Variants in NEGR1 observed in about 807,000 individuals in gnomAD.
NEGR1 encodes the protein neuronal growth regulator 1.
NEGR1 carries 10 observed loss-of-function variants against 40.9 expected under a neutral mutation model. The ratio of observed to expected loss-of-function variants is 0.24; its 90% CI spans 0.15 to 0.42. The LOEUF (loss-of-function observed/expected upper bound fraction) is 0.42. NEGR1 is among the 10% of genes least tolerant of loss of function. The probability of loss-of-function intolerance (pLI) is 1.00; values close to 1 mark genes in which losing one functional copy is unlikely to be tolerated. For missense variants in NEGR1, 352 were observed against 438.9 expected, an observed-to-expected ratio of 0.80 and a Z score of 1.77; for synonymous variants, 185 against 166.8, an observed-to-expected ratio of 1.11 and a Z score of -0.84.
intron 6 of NEGR1, among the ~76,000 whole-genome samples, chr1:71,552,053 T>C (rs924770832): frequency 4.0e-5 from 6 of 151,496 alleles, no homozygotes; most frequent in African/African-American, 1.5e-4. Flanking sequence ...ACTTTGACAT[T>C]TGTCCTTTTT....
chr1:71,761,443 T>C (rs1402114112), intron 3 of NEGR1, among the ~76,000 whole-genome samples: 1 of 152,222 alleles, frequency 6.6e-6, no homozygotes, highest in African/African-American at 2.4e-5. Flanking sequence ...GTAAATCTCA[T>C]GGAACAGTTT....
At chr1:71,942,532 C>A (rs1187587480) in intron 1 of NEGR1, among the ~76,000 whole-genome samples, 1 of 73,936 alleles carries the variant, frequency 1.4e-5, no homozygotes, top group Non-Finnish European at 2.4e-5. Flanking sequence ...GACGGAGTCT[C>A]GCTCTGTCGC....
intron 1 of NEGR1, among the ~76,000 whole-genome samples, chr1:71,999,680 CAT>C (rs201651124): frequency 0.067 from 2,141 of 31,860 alleles, 184 homozygotes; most frequent in East Asian, 0.16. Context: ...TATATATATA[CAT>C]ACATATTTTT....
chr1:71,814,240 C>G (rs1322555771), intron 2 of NEGR1, among the ~76,000 whole-genome samples: 1 of 151,944 alleles, frequency 6.6e-6, no homozygotes, highest in African/African-American at 2.4e-5. Flanking sequence ...TTGAAACAGC[C>G]TTGTGTCCTG....
intron 6 of NEGR1, among the ~76,000 whole-genome samples, chr1:71,540,491 T>C (rs1647654939): frequency 6.6e-6 from 1 of 151,782 alleles, no homozygotes; most frequent in Non-Finnish European, 1.5e-5. Context: ...TGTATGATTA[T>C]AGAGAGGAAT....
intron 1 of NEGR1, among the ~76,000 whole-genome samples, chr1:71,999,588 T>G (rs1349816324): frequency 2.8e-5 from 4 of 141,476 alleles, no homozygotes; most frequent in African/African-American, 1.0e-4. Flanking sequence ...GTACATTCCT[T>G]CTCACTCCCA....
chr1:71,818,330 T>A (rs1022693128), intron 2 of NEGR1, among the ~76,000 whole-genome samples: 1 of 151,946 alleles, frequency 6.6e-6, no homozygotes, highest in African/African-American at 2.4e-5. Context: ...GTGGTGCATA[T>A]ACACCATGGA....
At chr1:71,899,198 T>C (rs138471610) in intron 2 of NEGR1, among the ~76,000 whole-genome samples, 141 of 151,512 alleles carry the variant, frequency 9.3e-4, no homozygotes, top group Admixed American at 1.5e-3. Context: ...AATGTATTTT[T>C]CATTGGTTTC....
chr1:71,901,135 A>G (rs578170809), intron 2 of NEGR1, among the ~76,000 whole-genome samples: 2 of 152,314 alleles, frequency 1.3e-5, no homozygotes, highest in Non-Finnish European at 2.9e-5. Context: ...GCAGCCATAT[A>G]GAAGTGTCAA....
At chr1:71,673,939 T>G (rs190123898) in intron 4 of NEGR1, among the ~76,000 whole-genome samples, 20 of 152,232 alleles carry the variant, frequency 1.3e-4, no homozygotes, top group Admixed American at 1.2e-3. Flanking sequence ...TAGAAAACAT[T>G]TTTGTACTTT....
intron 2 of NEGR1, among the ~76,000 whole-genome samples, chr1:71,864,809 C>T (rs2101826811): frequency 6.6e-6 from 1 of 152,190 alleles, no homozygotes; most frequent in Admixed American, 6.5e-5. Context: ...CAGTATTCCC[C>T]TGAAGGACAT....
chr1:71,914,286 G>C (rs1332197344), intron 2 of NEGR1, among the ~76,000 whole-genome samples: 1 of 152,148 alleles, frequency 6.6e-6, no homozygotes, highest in African/African-American at 2.4e-5. Context: ...TCTATAGACA[G>C]AATTTGTCCA....
chr1:72,036,909 A>T (rs574330018), intron 1 of NEGR1, among the ~76,000 whole-genome samples: 1 of 152,192 alleles, frequency 6.6e-6, no homozygotes, highest in East Asian at 1.9e-4. Flanking sequence ...AATGTGTGGC[A>T]CAAGGTAGAG....
intron 6 of NEGR1, among the ~76,000 whole-genome samples, chr1:71,448,455 C>A (rs7526737): frequency 0.71 from 107,995 of 151,450 alleles, 39,129 homozygotes; most frequent in Non-Finnish European, 0.77. Flanking sequence ...AAAAATTAGC[C>A]GTGCATGGTG....
intron 4 of NEGR1, among the ~76,000 whole-genome samples, chr1:71,626,004 G>A (rs576410416): frequency 6.6e-6 from 1 of 151,934 alleles, no homozygotes; most frequent in South Asian, 2.1e-4. Flanking sequence ...ATTGTGAACT[G>A]TACATGTGAG....
At chr1:71,741,395 A>G (rs1302486898) in intron 3 of NEGR1, among the ~76,000 whole-genome samples, 2 of 152,180 alleles carry the variant, frequency 1.3e-5, no homozygotes, top group Admixed American at 6.6e-5. Context: ...TTCATGTGAT[A>G]TGTGTTTCCT....
Position 71,667,545 on chromosome 1 carries a change from A to G in NEGR1, c.667+30463T>C, listed in dbSNP as rs187731463. On this transcript the variant is annotated intron_variant, in intron 4 of 6. Coordinates refer to ENST00000357731, the MANE Select transcript of NEGR1 (RefSeq NM_173808.3). The stretch of plus-strand genomic sequence containing the variant: ...GGTGTCTGGTAAGAGACAGCTGTGT[A>G]AATGGGGGAAAATGTAGTACAGAGT... 5.6e-3 allele frequency among the ~76,000 whole-genome samples: 854 copies of G among 152,284 alleles called. 16 individuals carry two copies. The highest frequency in any genetic ancestry group is 4.5e-3 in the Non-Finnish European group (306 of 68,014).
At chr1:71,712,995 A>T (rs1393254615) in intron 3 of NEGR1, among the ~76,000 whole-genome samples, 6 of 152,194 alleles carry the variant, frequency 3.9e-5, no homozygotes, top group Non-Finnish European at 1.5e-5. Flanking sequence ...TCAGTTAAAC[A>T]TGTTTTCTTC....
intron 1 of NEGR1, among the ~76,000 whole-genome samples, chr1:71,995,444 A>C (rs989265280): frequency 1.3e-5 from 2 of 152,194 alleles, no homozygotes; most frequent in Non-Finnish European, 2.9e-5. Context: ...TTGGGAAAAA[A>C]AAAATCAGAT....
Sources: gnomAD v4.1 joint callset for allele counts (sites outside exome capture counted in the v4.1 genomes callset) on GRCh38, gnomAD v4.1.1 for gene constraint, MANE v1.5 for transcripts, NCBI Gene and HGNC (gene_info 2026-07-23, HGNC 2026-07-21) for gene names.